The following RORA variants were observed in gnomAD, a reference collection of about 807,000 sequenced individuals.
RORA encodes the protein RAR related orphan receptor A, also known as nuclear receptor ROR-alpha.
In RORA, 7 loss-of-function variants were observed where a neutral mutation model predicts 69.5. The observed-to-expected ratio is 0.10, with a 90% CI of 0.06 to 0.19. RORA has a LOEUF of 0.19. Among genes scored for constraint, RORA ranks in the 10% least tolerant of loss-of-function variants. RORA has a pLI of 1.00. For synonymous variants in RORA, 261 were observed against 240.8 expected (o/e 1.08, Z -0.78); for missense variants, 457 against 663.0 (o/e 0.69, Z 3.41).
chr15:60,669,561 A>G (rs1429068362), intron 2 of RORA, among the ~76,000 whole-genome samples: 3 of 152,154 alleles, frequency 2.0e-5, no homozygotes, highest in Non-Finnish European at 4.4e-5. Flanking sequence ...CTGTGGCTCC[A>G]CATTGGTTAT....
intron 1 of RORA, among the ~76,000 whole-genome samples, chr15:61,223,914 T>C (rs1050618511): frequency 6.6e-6 from 1 of 150,674 alleles, no homozygotes; most frequent in South Asian, 2.1e-4. Context: ...ATTTTAAAAA[T>C]ACAATTTTAT....
chr15:60,558,044 C>T, intron 2 of RORA: 1 of 412,610 alleles, frequency 2.4e-6, no homozygotes, highest in Non-Finnish European at 4.3e-6. Context: ...TGAATGGGAA[C>T]CTTAGTAGTG....
chr15:60,740,981 T>A (rs7179790), intron 1 of RORA, among the ~76,000 whole-genome samples: 2,937 of 152,288 alleles, frequency 0.019, 113 homozygotes, highest in African/African-American at 0.068. Context: ...GTATTTCCCG[T>A]GTGGTGTTGA....
intron 1 of RORA, among the ~76,000 whole-genome samples, chr15:60,801,729 C>T (rs1021325634): frequency 5.3e-5 from 8 of 152,210 alleles, no homozygotes; most frequent in Non-Finnish European, 8.8e-5. Flanking sequence ...AGAAAACTCA[C>T]GGTTTCAGAT....
At chr15:60,663,859 C>T (rs1458198086) in intron 2 of RORA, among the ~76,000 whole-genome samples, 3 of 152,212 alleles carry the variant, frequency 2.0e-5, no homozygotes, top group East Asian at 1.9e-4. Flanking sequence ...GAAGTTGGCT[C>T]TTCTACATTT....
chr15:60,640,961 A>G (rs114878113), intron 2 of RORA, among the ~76,000 whole-genome samples: 2,510 of 152,186 alleles, frequency 0.016, 83 homozygotes, highest in African/African-American at 0.058. Context: ...CTCTTCTTTT[A>G]ATTTTTTTTG....
rs1409806258 is a variant in RORA, at chr15:60,493,044, C to T, written c.*4411G>A. The T allele has an allele frequency of 3.9e-5, 6 of 152,076 alleles. No individual in the cohort carries two copies. The highest frequency in any genetic ancestry group is 8.8e-5 in the Non-Finnish European group (6 of 68,014). 9.4% of individuals were successfully genotyped at this position (152,076 alleles called of 1,614,324 possible). The stretch of plus-strand genomic sequence containing the variant: ...AACTCCAAAATGATAGGGCTTCTAT[C>T]GTTGATACCAAGATGGATTGTCATT... On this transcript the variant is annotated 3_prime_UTR_variant, in exon 11 of 11. Coordinates refer to ENST00000335670, the MANE Select transcript of RORA (RefSeq NM_134261.3).
chr15:60,707,329 C>CTTTAT (rs1389156427), intron 1 of RORA, among the ~76,000 whole-genome samples: 9 of 134,974 alleles, frequency 6.7e-5, no homozygotes, highest in African/African-American at 1.9e-4. Context: ...TCATCTATTT[C>CTTTAT]TTTATTTTAT....
intron 1 of RORA, among the ~76,000 whole-genome samples, chr15:60,739,351 T>A (rs2071543517): frequency 6.6e-6 from 1 of 152,040 alleles, no homozygotes. Flanking sequence ...GGTGGGTGGA[T>A]CACTTGAACT....
chr15:61,071,115 T>C (rs988817701), intron 1 of RORA, among the ~76,000 whole-genome samples: 1 of 148,652 alleles, frequency 6.7e-6, no homozygotes, highest in African/African-American at 2.5e-5. Flanking sequence ...TATGCATATG[T>C]AGCACTAACC....
chr15:60,795,971 G>A (rs1336568518), intron 1 of RORA, among the ~76,000 whole-genome samples: 2 of 152,106 alleles, frequency 1.3e-5, no homozygotes, highest in Non-Finnish European at 2.9e-5. Flanking sequence ...GATCATTGTG[G>A]GTATCAAAAT....
intron 1 of RORA, among the ~76,000 whole-genome samples, chr15:60,736,489 C>A (rs1390349118): frequency 6.6e-6 from 1 of 152,174 alleles, no homozygotes; most frequent in Non-Finnish European, 1.5e-5. Context: ...GCCTTGTCCT[C>A]TCAGTTCATG....
intron 1 of RORA, among the ~76,000 whole-genome samples, chr15:61,049,698 C>T (rs996217220): frequency 1.3e-5 from 2 of 152,094 alleles, no homozygotes; most frequent in African/African-American, 4.8e-5. Context: ...CTCCCTCTGT[C>T]GCCTAGGCTG....
intron 1 of RORA, among the ~76,000 whole-genome samples, chr15:60,699,778 C>G (rs180759848): frequency 1.3e-5 from 2 of 151,862 alleles, no homozygotes; most frequent in Non-Finnish European, 2.9e-5. Context: ...TAGTTTTTGC[C>G]TGCCACAATA....
intron 2 of RORA, among the ~76,000 whole-genome samples, chr15:60,587,954 T>A (rs2068382818): frequency 6.6e-6 from 1 of 152,162 alleles, no homozygotes; most frequent in African/African-American, 2.4e-5. Flanking sequence ...TCATGTTCTA[T>A]CATGTCACAC....
At chr15:60,584,740 A>G (rs1335935035) in intron 2 of RORA, among the ~76,000 whole-genome samples, 1 of 152,230 alleles carries the variant, frequency 6.6e-6, no homozygotes, top group Non-Finnish European at 1.5e-5. Flanking sequence ...AAGGAGAAAA[A>G]AAACCTTTCC....
At chr15:60,835,268 C>T (rs1222761735) in intron 1 of RORA, among the ~76,000 whole-genome samples, 1 of 152,154 alleles carries the variant, frequency 6.6e-6, no homozygotes, top group African/African-American at 2.4e-5. Context: ...GGCTTAAAAG[C>T]TCTTGGGCTA....
chr15:60,797,864 C>T (rs974945620), intron 1 of RORA, among the ~76,000 whole-genome samples: 1 of 152,184 alleles, frequency 6.6e-6, no homozygotes, highest in Non-Finnish European at 1.5e-5. Flanking sequence ...GGGACTTGCT[C>T]ACACAAACTG....
At chr15:60,521,946 T>C (rs1288010783) in intron 3 of RORA, among the ~76,000 whole-genome samples, 1 of 152,190 alleles carries the variant, frequency 6.6e-6, no homozygotes, top group African/African-American at 2.4e-5. Context: ...CTCTGGAAAT[T>C]CTATTCCCTA....
Sources: allele counts gnomAD v4.1 joint callset (sites outside exome capture counted in the v4.1 genomes callset), GRCh38; gene constraint gnomAD v4.1.1; transcripts MANE v1.5; gene names NCBI Gene and HGNC (gene_info 2026-07-23, HGNC 2026-07-21).